DMD: variants seen among roughly 807,000 people sequenced by gnomAD.
DMD encodes the protein mutant dystrophin.
A neutral mutation model predicts 330.1 loss-of-function variants in DMD; 63 were observed. The ratio of observed to expected loss-of-function variants is 0.19; its 90% confidence interval spans 0.16 to 0.24. The LOEUF is 0.24. Among genes scored for constraint, DMD ranks in the 10% least tolerant of loss-of-function variants. DMD has a pLI of 1.00. For synonymous variants in DMD, 1,223 were observed against 959.8 expected (o/e 1.27, Z -5.07); for missense variants, 3,344 against 2,684.1 (o/e 1.25, Z -5.43).
chrX:31,339,760 A>G (rs2057620863), intron 61 of DMD, among the ~76,000 whole-genome samples: 1 of 111,536 alleles, frequency 9.0e-6, no homozygotes, highest in Non-Finnish European at 1.9e-5. Context: ...TTTTTAGTAG[A>G]GACAGGGTTT....
At chrX:31,416,887 C>T (rs893381559) in intron 60 of DMD, among the ~76,000 whole-genome samples, 1 of 112,124 alleles carries the variant, frequency 8.9e-6, no homozygotes, top group African/African-American at 3.2e-5. Context: ...GGGTCTTCTG[C>T]ACAACGATTA....
At chrX:32,298,649 C>T (rs965253954) in intron 42 of DMD, among the ~76,000 whole-genome samples, 4 of 110,653 alleles carry the variant, frequency 3.6e-5, no homozygotes, top group Non-Finnish European at 5.7e-5. Flanking sequence ...CCTTTCCAGA[C>T]CTCTTTTCTT....
At chrX:31,633,306 A>G (rs1049918383) in intron 54 of DMD, among the ~76,000 whole-genome samples, 1 of 111,531 alleles carries the variant, frequency 9.0e-6, no homozygotes, top group Non-Finnish European at 1.9e-5. Context: ...TTCTTTTTCT[A>G]TGTATACTCA....
In DMD at chrX:31,774,298, A is replaced by G. The variant is rs892290207; in HGVS notation, c.7310-106T>C. On this transcript the variant is annotated intron_variant, in intron 50 of 78. Coordinates refer to ENST00000357033, the MANE Select transcript of DMD (RefSeq NM_004006.3). The stretch of plus-strand genomic sequence containing the variant: ...ATAACAATAAGTCAAATTTAATTGA[A>G]GAGTAACAATTTGAGCCAAACTCTT... The G allele has an allele frequency of 9.1e-6, 5 of 549,436 alleles. No homozygotes were observed. The African/African-American group carries it at 1.2e-4, about 13-fold the overall frequency. The allele number at this position is 549,436 out of a possible 1,213,427, so 45.3% of individuals were successfully genotyped here. A position where few individuals can be genotyped will look rare whatever the true frequency, so the allele number is the denominator to read the frequency against.
At chrX:31,156,179 C>T (rs1443811294) in intron 74 of DMD, among the ~76,000 whole-genome samples, 2 of 111,474 alleles carry the variant, frequency 1.8e-5, no homozygotes, top group African/African-American at 6.5e-5. Flanking sequence ...CAGGACCCCT[C>T]CAGGCTCTTG....
chrX:32,910,145 A>G (rs983076231), intron 2 of DMD, among the ~76,000 whole-genome samples: 21 of 111,969 alleles, frequency 1.9e-4, no homozygotes, highest in African/African-American at 6.8e-4. Flanking sequence ...CACGCGGCAC[A>G]ATAAAACCCA....
At chrX:31,310,637 G>A (rs994889748) in intron 62 of DMD, among the ~76,000 whole-genome samples, 2 of 109,663 alleles carry the variant, frequency 1.8e-5, no homozygotes, top group African/African-American at 3.3e-5. Flanking sequence ...CTCAACTTTC[G>A]GCCCCCTGGG....
intron 44 of DMD, among the ~76,000 whole-genome samples, chrX:32,049,884 A>G (rs2096094393): frequency 9.0e-6 from 1 of 111,192 alleles, no homozygotes; most frequent in Admixed American, 9.6e-5. Flanking sequence ...TGTTCCTTAC[A>G]CTGTATTCCA....
At chrX:32,691,477 C>T (rs943879784) in intron 9 of DMD, among the ~76,000 whole-genome samples, 4 of 111,537 alleles carry the variant, frequency 3.6e-5, no homozygotes, top group African/African-American at 1.3e-4. Context: ...TGAGCTATCA[C>T]ATTTATACCT....
intron 2 of DMD, among the ~76,000 whole-genome samples, chrX:32,910,949 T>C (rs2087185909): frequency 2.7e-5 from 3 of 112,042 alleles, no homozygotes; most frequent in South Asian, 7.4e-4. Context: ...CACTATCCTG[T>C]CCACACAGAG....
intron 41 of DMD, among the ~76,000 whole-genome samples, chrX:32,335,229 T>G (rs1308650768): frequency 9.2e-6 from 1 of 108,613 alleles, no homozygotes; most frequent in African/African-American, 3.3e-5. Context: ...TGAGGCGGGG[T>G]CTCAATCTGT....
At chrX:32,295,489 C>T (rs973038533) in intron 42 of DMD, among the ~76,000 whole-genome samples, 1 of 112,335 alleles carries the variant, frequency 8.9e-6, no homozygotes, top group African/African-American at 3.2e-5. Context: ...ATAATACAGA[C>T]ATAATATCAG....
At chrX:32,522,656 C>G (rs768686383) in intron 17 of DMD, among the ~76,000 whole-genome samples, 1 of 111,984 alleles carries the variant, frequency 8.9e-6, no homozygotes, top group Non-Finnish European at 1.9e-5. Flanking sequence ...CTTCATAGAC[C>G]TCTTAACTGT....
chrX:32,789,920 A>C (rs944236698), intron 7 of DMD, among the ~76,000 whole-genome samples: 2 of 112,366 alleles, frequency 1.8e-5, no homozygotes, highest in Non-Finnish European at 3.7e-5. Context: ...ATCTCACAAG[A>C]ATGATATTAC....
chrX:32,166,571 A>G (rs1451883387), intron 44 of DMD, among the ~76,000 whole-genome samples: 2 of 111,773 alleles, frequency 1.8e-5, no homozygotes, highest in Non-Finnish European at 3.8e-5. Flanking sequence ...AATACCACAT[A>G]TTTATTTTCT....
At chrX:32,448,736 G>C in intron 26 of DMD, 98 bp from the exon 27 acceptor site, 1 of 762,535 alleles carries the variant, frequency 1.3e-6, no homozygotes, top group South Asian at 3.1e-5. Flanking sequence ...CAACATCCCA[G>C]TTAGAATGAG....
In DMD at chrX:31,289,251, C is replaced by CAAAAAAAAAAAAAAAAA. The variant is rs773939250; in HGVS notation, c.9225-28236_9225-28235insTTTTTTTTTTTTTTTTT. 1.7e-3 allele frequency among the ~76,000 whole-genome samples: 41 copies of CAAAAAAAAAAAAAAAAA among 23,553 alleles called. 1 individual carries two copies. Among genetic ancestry groups the CAAAAAAAAAAAAAAAAA allele is most frequent in the Non-Finnish European group, 2.4e-3 (30 of 12,660 alleles). The allele number at this position is 23,553 out of a possible 115,157, so 20.5% of individuals were successfully genotyped here. On this transcript the variant is annotated intron_variant, in intron 62 of 78. Coordinates refer to ENST00000357033, the MANE Select transcript of DMD (RefSeq NM_004006.3). The stretch of plus-strand genomic sequence containing the variant: ...CTGCACTCCAGCCTGGGTGACAGAG[C>CAAAAAAAAAAAAAAAAA]AAAAAAAAAAAAAATAAAAAATAAA...
At chrX:32,969,904 C>A (rs2092323391) in intron 2 of DMD, among the ~76,000 whole-genome samples, 1 of 94,935 alleles carries the variant, frequency 1.1e-5, no homozygotes, top group Non-Finnish European at 2.0e-5. Context: ...TCCATCTAAA[C>A]CCTTACTCAT....
chrX:31,540,363 G>T (rs779319348), intron 55 of DMD, among the ~76,000 whole-genome samples: 1 of 112,165 alleles, frequency 8.9e-6, no homozygotes, highest in Non-Finnish European at 1.9e-5. Flanking sequence ...TGGAAAGTCA[G>T]AAGTACCTTT....
Sources: allele counts gnomAD v4.1 joint callset (sites outside exome capture counted in the v4.1 genomes callset), GRCh38; gene constraint gnomAD v4.1.1; transcripts MANE v1.5; gene names NCBI Gene and HGNC (gene_info 2026-07-23, HGNC 2026-07-21).